CATSPERE: variants seen among roughly 807,000 people sequenced by gnomAD.
The protein encoded by CATSPERE is cation channel sperm-associated auxiliary subunit epsilon.
CATSPERE carries 93 observed loss-of-function variants against 114.1 expected under a neutral mutation model. The ratio of observed to expected loss-of-function variants is 0.81; its 90% confidence interval spans 0.69 to 0.97. The LOEUF (loss-of-function observed/expected upper bound fraction) is 0.97. Ranked by LOEUF, CATSPERE falls within the 50% of genes least tolerant of loss-of-function variation. CATSPERE has a pLI of 0.00. For missense variants in CATSPERE, 1,058 were observed against 1,131.6 expected (o/e 0.93, Z 0.93); for synonymous variants, 341 against 384.1 (o/e 0.89, Z 1.31).
intron 8 of CATSPERE, among the ~76,000 whole-genome samples, chr1:244,526,623 C>T (rs1473828881): frequency 6.6e-6 from 1 of 150,586 alleles, no homozygotes; most frequent in African/African-American, 2.4e-5. Flanking sequence ...ACCTGTGATT[C>T]AACCAATAGA....
At chr1:244,464,030 A>G in intron 2 of CATSPERE, 74 bp downstream of exon 2, 1 of 1,093,474 alleles carries the variant, frequency 9.1e-7, no homozygotes, top group Admixed American at 1.8e-5. Context: ...AGCAGAGTTA[A>G]TCATATTGAG....
At chr1:244,505,919 T>A (rs988868378) in intron 7 of CATSPERE, among the ~76,000 whole-genome samples, 2 of 151,996 alleles carry the variant, frequency 1.3e-5, no homozygotes, top group Non-Finnish European at 2.9e-5. Flanking sequence ...AGCAGGAGAA[T>A]CACTTGAACC....
chr1:244,557,582 T>TATATATATATATAA (rs1661844658), intron 9 of CATSPERE, among the ~76,000 whole-genome samples: 1 of 108,112 alleles, frequency 9.2e-6, no homozygotes, highest in Non-Finnish European at 1.9e-5. Flanking sequence ...TATATATATA[T>TATATATATATATAA]AAAATCTCCC....
At chr1:244,464,175 C>G (rs188052599) in intron 2 of CATSPERE, among the ~76,000 whole-genome samples, 4 of 152,204 alleles carry the variant, frequency 2.6e-5, no homozygotes, top group Non-Finnish European at 5.9e-5. Context: ...TTTCGTGATT[C>G]ACTGTTCACA....
chr1:244,629,593 C>G (rs1316930861), intron 20 of CATSPERE, among the ~76,000 whole-genome samples: 1 of 150,990 alleles, frequency 6.6e-6, no homozygotes, highest in Non-Finnish European at 1.5e-5. Flanking sequence ...TCAATCCTCC[C>G]AAAGTGCTGG....
intron 19 of CATSPERE, among the ~76,000 whole-genome samples, 164 bp from the exon 20 acceptor site, chr1:244,617,365 A>C (rs971978208): frequency 1.3e-5 from 2 of 152,238 alleles, no homozygotes; most frequent in Admixed American, 1.3e-4. Context: ...ATCAAAGTTT[A>C]ACCCAGTATC....
At chr1:244,520,974 G>T (rs1396357051) in intron 8 of CATSPERE, among the ~76,000 whole-genome samples, 1 of 152,148 alleles carries the variant, frequency 6.6e-6, no homozygotes, top group Non-Finnish European at 1.5e-5. Flanking sequence ...TGAAATTCAG[G>T]CAAGAGCTAT....
chr1:244,516,362 T>TG (rs1676615758), intron 7 of CATSPERE, among the ~76,000 whole-genome samples: 1 of 152,104 alleles, frequency 6.6e-6, no homozygotes, highest in African/African-American at 2.4e-5. Flanking sequence ...TTTGTTTGTT[T>TG]TTAGAGATGG....
chr1:244,451,935 G>GC (rs1665635891), upstream of CATSPERE: 2 of 1,099,952 alleles, frequency 1.8e-6, no homozygotes, highest in East Asian at 5.9e-5. The surrounding 1 kb of genome is among the most constrained non-coding windows in gnomAD (Gnocchi z 6.6). Context: ...GGCCGGCCCC[G>GC]CCCCCGCCCC....
intron 11 of CATSPERE, among the ~76,000 whole-genome samples, chr1:244,580,307 C>T (rs533727716): frequency 6.7e-6 from 1 of 150,232 alleles, no homozygotes; most frequent in Non-Finnish European, 1.5e-5. Context: ...TTCGATAGGG[C>T]ACTTTTTTCT....
rs1002276944 is a variant in CATSPERE, at chr1:244,487,984, C to G, written c.327-2463C>G. Among the ~76,000 whole-genome samples the G allele has an allele frequency of 3.9e-5, 6 of 152,174 alleles. No individual in the cohort carries two copies. In the South Asian group the frequency reaches 1.2e-3, roughly 32 times the overall value. The stretch of plus-strand genomic sequence containing the variant: ...CTCTCGACACCTATTGACTCTGCCC[C>G]CAAACCAGAGTTCTGACACTAGAAA... On this transcript the variant is annotated intron_variant, in intron 5 of 21. Transcript: ENST00000366534.
At chr1:244,513,601 A>G (rs951453723) in intron 7 of CATSPERE, among the ~76,000 whole-genome samples, 1 of 152,162 alleles carries the variant, frequency 6.6e-6, no homozygotes, top group African/African-American at 2.4e-5. Context: ...GCCTATCATC[A>G]TGACTCCAGT....
chr1:244,495,325 G>A (rs182163227), intron 6 of CATSPERE, among the ~76,000 whole-genome samples: 241 of 152,234 alleles, frequency 1.6e-3, no homozygotes, highest in African/African-American at 5.2e-3. Context: ...TAGTGAAAAA[G>A]GGGTGATGTT....
At chr1:244,515,218 A>G in intron 7 of CATSPERE, 2 of 424,926 alleles carry the variant, frequency 4.7e-6, no homozygotes, top group South Asian at 2.0e-4. Flanking sequence ...TCAATTCCTC[A>G]AGCATAGTAA....
In CATSPERE at chr1:244,562,426, G is replaced by C. The variant is rs542417915; in HGVS notation, c.1507+1281G>C. ...TGCATATGTACACACACTGATACAA[G>C]TGTTTCTGTAATATAAATTACTGGA... On this transcript the variant is annotated intron_variant, in intron 10 of 21. Coordinates refer to ENST00000366534, the MANE Select transcript of CATSPERE (RefSeq NM_001130957.2). 4.6e-5 allele frequency among the ~76,000 whole-genome samples: 7 copies of C among 152,172 alleles called. No homozygotes were observed. The East Asian group carries it at 1.4e-3, about 29-fold the overall frequency.
At position 244,572,483 on chromosome 1, in the gene CATSPERE, A is replaced by T; in HGVS notation, c.1661A>T (p.Tyr554Phe). 6.2e-7 allele frequency: 1 copy of T among 1,614,162 alleles called. No individual in the cohort carries two copies. The highest frequency in any genetic ancestry group is 8.5e-7 in the Non-Finnish European group (1 of 1,179,992). ...LSTSGQTYFL[Y>F]ALDDGTIQIQ... ...ACATCTGGTCAAACATATTTCCTGTATGCTTTGGATGATGGCACAATACAA... is the reference window on the plus strand; with the variant it reads ...ACATCTGGTCAAACATATTTCCTGTTTGCTTTGGATGATGGCACAATACAA... Residue 554 changes from tyrosine to phenylalanine, a missense_variant, in exon 11 of 22, where the codon TAT (tyrosine) becomes TTT (phenylalanine). Physicochemically the swap from Tyr to Phe is conservative, Grantham distance 22 (BLOSUM62 3). This residue lies in a region of CATSPERE where 787 missense variants were observed against 905.6 expected (regional missense o/e 0.87). Transcript: ENST00000366534.
At chr1:244,520,621 G>T (rs1389524700) in intron 8 of CATSPERE, among the ~76,000 whole-genome samples, 1 of 151,804 alleles carries the variant, frequency 6.6e-6, no homozygotes, top group African/African-American at 2.4e-5. Context: ...GTGGAGTCTC[G>T]GCAGAGCAGC....
At chr1:244,603,879 A>G (rs373966921) in intron 17 of CATSPERE, among the ~76,000 whole-genome samples, 1 of 152,144 alleles carries the variant, frequency 6.6e-6, no homozygotes, top group African/African-American at 2.4e-5. Flanking sequence ...GTGGTGGCAC[A>G]TACCTGTAGT....
chr1:244,588,556 C>T (rs762839277), intron 14 of CATSPERE, 22 bp downstream of exon 14: 1 of 1,557,564 alleles, frequency 6.4e-7, no homozygotes, highest in East Asian at 2.2e-5. Flanking sequence ...TCCATTTGAC[C>T]TGTGTTACTC....
Sources: allele counts gnomAD v4.1 joint callset (sites outside exome capture counted in the v4.1 genomes callset), GRCh38; gene constraint gnomAD v4.1.1; regional missense constraint gnomAD v4.1.1; non-coding constraint Gnocchi (gnomAD v3.1); transcripts MANE v1.5; gene names NCBI Gene and HGNC (gene_info 2026-07-23, HGNC 2026-07-21).